The following SLC6A13 variants were observed in gnomAD, a reference collection of about 807,000 sequenced individuals.
The protein encoded by SLC6A13 is solute carrier family 6 member 13.
A neutral mutation model predicts 72.9 loss-of-function variants in SLC6A13; 69 were observed. The observed-to-expected ratio is 0.95, with a 90% CI of 0.78 to 1.16. The LOEUF (loss-of-function observed/expected upper bound fraction) is 1.16. Among genes scored for constraint, SLC6A13 ranks in the 50% most tolerant of loss-of-function variants. SLC6A13 has a pLI of 0.00. For synonymous variants in SLC6A13, 303 were observed against 303.0 expected (o/e 1.00, Z 0.00); for missense variants, 735 against 760.5 (o/e 0.97, Z 0.39).
intron 4 of SLC6A13, among the ~76,000 whole-genome samples, chr12:239,812 C>G (rs1942100258): frequency 6.6e-6 from 1 of 152,170 alleles, no homozygotes; most frequent in Non-Finnish European, 1.5e-5. Flanking sequence ...ATTCACTTTC[C>G]TGGACGCTGC....
In SLC6A13 at chr12:221,361, C is replaced by T; in HGVS notation, c.1686+15G>A. 1 of 1,571,092 alleles carries T rather than the reference C, an allele frequency of 6.4e-7. No homozygotes were observed. Among genetic ancestry groups the T allele is most frequent in the Non-Finnish European group, 8.6e-7 (1 of 1,158,522 alleles). ...CCAGCCCCTCTGGCTGCTTTCCTGC[C>T]CGCAAAGGCCCTACCTCTCTGAAGG... On this transcript the variant is annotated intron_variant, in intron 14 of 14. Transcript: ENST00000343164.
chr12:231,967 C>G (rs1232522490), intron 7 of SLC6A13, among the ~76,000 whole-genome samples: 1 of 152,224 alleles, frequency 6.6e-6, no homozygotes, highest in Admixed American at 6.5e-5. Context: ...CGTCATCATT[C>G]AGACCCAGTC....
intron 2 of SLC6A13, chr12:259,033 C>G (rs1942839581): frequency 1.3e-5 from 2 of 151,014 alleles, no homozygotes; most frequent in Admixed American, 1.3e-4. Context: ...TTACTTAAGA[C>G]CACAGAACAG....
Position 238,023 on chromosome 12 carries a change from C to T in SLC6A13, c.479-13G>A. ...TCCATACAGTGTTCTACCCATGGGT[C>T]ACGAGGAGGGAAAAAAGAGAAAAAT... On this transcript the variant is annotated splice_polypyrimidine_tract_variant and intron_variant, in intron 4 of 14. Transcript: ENST00000343164. 6.2e-7 allele frequency: 1 copy of T among 1,611,114 alleles called. No individual in the cohort carries two copies. Among genetic ancestry groups the T allele is most frequent in the Non-Finnish European group, 8.5e-7 (1 of 1,177,466 alleles).
Position 223,200 on chromosome 12 carries a change from T to C in SLC6A13, c.1346A>G (p.Tyr449Cys). 3.1e-6 allele frequency: 5 copies of C among 1,613,616 alleles called. No individual in the cohort carries two copies. Among genetic ancestry groups the C allele is most frequent in the Admixed American group, 1.7e-5 (1 of 60,016 alleles). ...CAGGAGGCACATGCCACTGGCCGCA[T>C]AGTAGTCAAAGAGCTGGAACACGTA... is the stretch of plus-strand genomic sequence containing the variant. ...GMYVFQLFDY[Y>C]AASGMCLLFV... The change falls in exon 12 of 15, where the codon TAT becomes TGT. Residue 449 changes from tyrosine (Y) to cysteine (C), a missense_variant. By Grantham distance (194) the Tyr-to-Cys change is radical (BLOSUM62 -2). Transcript: ENST00000343164.
intron 5 of SLC6A13, among the ~76,000 whole-genome samples, chr12:237,674 T>C (rs1054940203): frequency 6.6e-6 from 1 of 151,760 alleles, no homozygotes; most frequent in African/African-American, 2.4e-5. Context: ...TGAGAGCACA[T>C]ATGCACACAC....
intron 3 of SLC6A13, among the ~76,000 whole-genome samples, chr12:243,012 CT>C (rs57416459): frequency 0.012 from 1,710 of 144,498 alleles, 14 homozygotes; most frequent in African/African-American, 0.034. Context: ...CAAGATAGAA[CT>C]TTTTTTTTTT....
chr12:238,095 G>C, intron 4 of SLC6A13, 85 bp from the exon 5 acceptor site: 1 of 1,580,564 alleles, frequency 6.3e-7, no homozygotes. Flanking sequence ...GAAATTCTAG[G>C]AGAATGGGAA....
chr12:223,974 C>G lies in SLC6A13; in HGVS notation c.1311+18G>C. 1 of 1,612,828 alleles carries G rather than the reference C, an allele frequency of 6.2e-7. No homozygotes were observed. Among genetic ancestry groups the G allele is most frequent in the Non-Finnish European group, 8.5e-7 (1 of 1,178,968 alleles). The stretch of plus-strand genomic sequence containing the variant: ...TGGCTCCTCCTCCCCAGCCTTCCCC[C>G]GCTTCCCAGGCCCTCACCTCTGTGA... On this transcript the variant is annotated intron_variant, in intron 11 of 14. Coordinates refer to ENST00000343164, the MANE Select transcript of SLC6A13 (RefSeq NM_016615.5).
intron 3 of SLC6A13, among the ~76,000 whole-genome samples, 166 bp downstream of exon 3, chr12:243,513 T>C (rs1942242055): frequency 6.6e-6 from 1 of 152,226 alleles, no homozygotes. Flanking sequence ...CATTCTCTGA[T>C]AGATCAGCTG....
rs1307016457 is a variant in SLC6A13, at chr12:226,528, G to T, written c.936-14C>A. 6.2e-7 allele frequency: 1 copy of T among 1,612,772 alleles called. No individual in the cohort carries two copies. On this transcript the variant is annotated splice_polypyrimidine_tract_variant and intron_variant, in intron 8 of 14. Transcript: ENST00000343164. ...GCGATGCAGTCCCTGTGGGGCAGGG[G>T]TGAGGAGAGGGCGGAATGGCAGGGT...
intron 5 of SLC6A13, 44 bp downstream of exon 5, chr12:237,882 T>C: frequency 7.0e-7 from 1 of 1,431,784 alleles, no homozygotes; most frequent in South Asian, 1.1e-5. Flanking sequence ...ATACCCTTCT[T>C]CTGAACACAC....
intron 12 of SLC6A13, 81 bp from the exon 13 acceptor site, chr12:222,713 C>T (rs537099426): frequency 3.7e-6 from 3 of 808,640 alleles, no homozygotes; most frequent in African/African-American, 1.7e-5. Flanking sequence ...CACAAACAGA[C>T]CAGAATGGGC....
At chr12:251,029 A>G (rs1438322600) in intron 2 of SLC6A13, among the ~76,000 whole-genome samples, 12 of 151,682 alleles carry the variant, frequency 7.9e-5, no homozygotes, top group Admixed American at 3.9e-4. Flanking sequence ...GGTGGTGGGC[A>G]CCTGTAGTCC....
At chr12:224,262 C>A in intron 10 of SLC6A13, 133 bp from the exon 11 acceptor site, 2 of 1,404,924 alleles carry the variant, frequency 1.4e-6, no homozygotes, top group South Asian at 1.3e-5. Flanking sequence ...ATTGTCCTTG[C>A]CTGGTTAGGT....
At position 221,566 on chromosome 12, in the gene SLC6A13, A is replaced by C; in HGVS notation, c.1516-20T>G. 1 of 1,490,036 alleles carries C rather than the reference A, an allele frequency of 6.7e-7. No individual in the cohort carries two copies. The highest frequency in any genetic ancestry group is 9.1e-7 in the Non-Finnish European group (1 of 1,096,856). The allele number at this position is 1,490,036 out of a possible 1,614,324, so 92.3% of individuals were successfully genotyped here. On this transcript the variant is annotated intron_variant, in intron 13 of 14. Coordinates refer to ENST00000343164, the MANE Select transcript of SLC6A13 (RefSeq NM_016615.5). ...GGTGGCCTGAGGGGGAGAGCAGAAGAGAAAGGGGTTGGGGGGCGGGGGCCT... is the reference window on the plus strand; with the variant it reads ...GGTGGCCTGAGGGGGAGAGCAGAAGCGAAAGGGGTTGGGGGGCGGGGGCCT...
chr12:242,808 C>T, intron 3 of SLC6A13, 54 bp from the exon 4 acceptor site: 1 of 1,533,036 alleles, frequency 6.5e-7, no homozygotes, highest in Non-Finnish European at 8.8e-7. Context: ...GTGGCGTGCA[C>T]CTGTCATTTC....
intron 9 of SLC6A13, 110 bp from the exon 10 acceptor site, chr12:224,623 C>G (rs1322120879): frequency 1.5e-5 from 12 of 824,534 alleles, no homozygotes; most frequent in Non-Finnish European, 2.1e-5. Flanking sequence ...CTAGAGGAAA[C>G]TTCACCCCAA....
intron 4 of SLC6A13, among the ~76,000 whole-genome samples, chr12:239,848 A>T (rs1486564041): frequency 6.6e-6 from 1 of 152,166 alleles, no homozygotes; most frequent in African/African-American, 2.4e-5. Flanking sequence ...GCATTATTTC[A>T]TCTTGGCGGG....
Sources: gnomAD v4.1 joint callset for allele counts (sites outside exome capture counted in the v4.1 genomes callset) on GRCh38, gnomAD v4.1.1 for gene constraint, MANE v1.5 for transcripts, NCBI Gene and HGNC (gene_info 2026-07-23, HGNC 2026-07-21) for gene names.